The following BRINP2 variants were observed in gnomAD, a reference collection of about 807,000 sequenced individuals.
The protein encoded by BRINP2 is BMP/retinoic acid-inducible neural-specific protein 2.
In BRINP2, 21 loss-of-function variants were observed where a neutral mutation model predicts 69.2. The observed-to-expected ratio is 0.30, with a 90% CI of 0.22 to 0.44. The LOEUF is 0.44. Ranked by LOEUF, BRINP2 falls within the 20% of genes least tolerant of loss-of-function variation. BRINP2 has a pLI of 1.00. For missense variants in BRINP2, 877 were observed against 986.0 expected (o/e 0.89, Z 1.48); for synonymous variants, 380 against 394.1 (o/e 0.96, Z 0.42).
intron 1 of BRINP2, 45 bp from the exon 2 acceptor site, chr1:177,229,756 G>A: frequency 7.3e-7 from 1 of 1,365,090 alleles, no homozygotes; most frequent in South Asian, 1.5e-5. Context: ...CAGGCCCATG[G>A]GGTAACAGGG....
chr1:177,204,070 G>T (rs1648998910), intron 1 of BRINP2, among the ~76,000 whole-genome samples: 1 of 152,120 alleles, frequency 6.6e-6, no homozygotes. Flanking sequence ...AGAACATTTG[G>T]GGATACAGAC....
intron 5 of BRINP2, among the ~76,000 whole-genome samples, chr1:177,274,035 A>G (rs764738665): frequency 1.3e-5 from 2 of 152,240 alleles, no homozygotes; most frequent in Non-Finnish European, 2.9e-5. Context: ...TAAGATCTGT[A>G]CAAAGTGGGG....
chr1:177,174,387 G>T (rs1216146166), intron 1 of BRINP2, among the ~76,000 whole-genome samples: 1 of 152,228 alleles, frequency 6.6e-6, no homozygotes, highest in African/African-American at 2.4e-5. Context: ...AAGAATAAAA[G>T]TCTCATAGGC....
intron 1 of BRINP2, among the ~76,000 whole-genome samples, chr1:177,204,651 C>G (rs538707401): frequency 1.3e-5 from 2 of 152,246 alleles, no homozygotes; most frequent in African/African-American, 2.4e-5. Flanking sequence ...TAATTGAACC[C>G]CTGAACTACC....
rs532174737 is a variant in BRINP2 at position 177,254,717 on chromosome 1, A to G, written c.270-1202A>G. The stretch of plus-strand genomic sequence containing the variant: ...AAAAAAAAAAAATGAATTAAGCCAG[A>G]CTCTGCAAGGAAAACAACTGACAGT... On this transcript the variant is annotated intron_variant, in intron 2 of 7. Coordinates refer to ENST00000361539, the MANE Select transcript of BRINP2 (RefSeq NM_021165.4). Among the ~76,000 whole-genome samples, 277 of 152,098 alleles carry G rather than the reference A, an allele frequency of 1.8e-3. 1 individual carries two copies. The highest frequency in any genetic ancestry group is 3.5e-3 in the Non-Finnish European group (235 of 68,014).
intron 5 of BRINP2, among the ~76,000 whole-genome samples, chr1:177,275,662 C>A (rs1651468098): frequency 6.6e-6 from 1 of 152,176 alleles, no homozygotes; most frequent in Non-Finnish European, 1.5e-5. Flanking sequence ...CTGTTCCTAT[C>A]TCTTAACCAG....
intron 2 of BRINP2, among the ~76,000 whole-genome samples, chr1:177,236,327 A>G (rs1373275942): frequency 6.6e-6 from 1 of 152,242 alleles, no homozygotes; most frequent in Admixed American, 6.5e-5. Flanking sequence ...CTTCTGGCAT[A>G]GAAACATCAT....
At chr1:177,183,739 A>G (rs1648335437) in intron 1 of BRINP2, among the ~76,000 whole-genome samples, 1 of 152,352 alleles carries the variant, frequency 6.6e-6, no homozygotes, top group South Asian at 2.1e-4. Flanking sequence ...GTGGTGAACC[A>G]TCATATTAAA....
rs150974059 is a variant in BRINP2 at position 177,250,056 on chromosome 1, G to C, written c.270-5863G>C. On this transcript the variant is annotated intron_variant, in intron 2 of 7. Coordinates refer to ENST00000361539, the MANE Select transcript of BRINP2 (RefSeq NM_021165.4). ...TTGCTATGTTGCCCAGGCTGGACTCGAACTCCTGTGGCTGAGGCCTTATGC... is the reference window on the plus strand; with the variant it reads ...TTGCTATGTTGCCCAGGCTGGACTCCAACTCCTGTGGCTGAGGCCTTATGC... 7.0e-3 allele frequency among the ~76,000 whole-genome samples: 1,063 copies of C among 150,860 alleles called. 11 individuals carry two copies. Among genetic ancestry groups the C allele is most frequent in the African/African-American group, 0.024 (994 of 41,058 alleles).
intron 1 of BRINP2, among the ~76,000 whole-genome samples, chr1:177,213,012 TTTA>T (rs1197875527): frequency 5.3e-5 from 8 of 152,122 alleles, no homozygotes; most frequent in Admixed American, 2.6e-4. Flanking sequence ...TTCTATTGGT[TTTA>T]TTGTTGTTAT....
chr1:177,259,218 AAGATCAAACC>A (rs1452913111), intron 4 of BRINP2, among the ~76,000 whole-genome samples: 13 of 152,300 alleles, frequency 8.5e-5, no homozygotes, highest in Admixed American at 5.9e-4. Context: ...GTCTGGATAG[AAGATCAAACC>A]AGCCACAACA....
intron 1 of BRINP2, among the ~76,000 whole-genome samples, chr1:177,207,862 C>T (rs965523474): frequency 6.6e-6 from 1 of 152,126 alleles, no homozygotes; most frequent in Non-Finnish European, 1.5e-5. Flanking sequence ...GAAGCTAAAT[C>T]TAGACAGGAG....
intron 4 of BRINP2, among the ~76,000 whole-genome samples, chr1:177,265,522 A>G (rs375118232): frequency 1.2e-4 from 18 of 152,086 alleles, no homozygotes; most frequent in African/African-American, 3.9e-4. Flanking sequence ...CCCTGATTCA[A>G]CCTCTAGGTT....
chr1:177,242,704 C>T (rs953420670), intron 2 of BRINP2, among the ~76,000 whole-genome samples: 5 of 152,202 alleles, frequency 3.3e-5, no homozygotes, highest in Non-Finnish European at 7.3e-5. Flanking sequence ...AGGCTCTGAG[C>T]TCCTTCAGGC....
At chr1:177,221,899 C>T (rs1649541999) in intron 1 of BRINP2, among the ~76,000 whole-genome samples, 1 of 152,184 alleles carries the variant, frequency 6.6e-6, no homozygotes, top group Non-Finnish European at 1.5e-5. Flanking sequence ...TGAGAGACCA[C>T]AGTAGACTCA....
rs200249029 is a variant in BRINP2, at chr1:177,229,913, C to T, written c.37C>T (p.Arg13Trp). Residue 13 changes from arginine (R) to tryptophan (W), a missense_variant, in exon 2 of 8, where the codon CGG becomes TGG. Around this residue, in one of 3 missense-constraint regions of BRINP2, gnomAD observed 566 missense variants for 625.2 expected, o/e 0.91. Coordinates refer to ENST00000361539, the MANE Select transcript of BRINP2 (RefSeq NM_021165.4). ...GTGTGGCACTCGGTTTAGAGGGCTT[C>T]GGCCGGCGGTGGCCCCATGGACAGC... ...WQCGTRFRGL[R>W]PAVAPWTALL... 5.5e-5 allele frequency: 88 copies of T among 1,606,078 alleles called. No homozygotes were observed. In the African/African-American group the frequency reaches 9.2e-4, roughly 17 times the overall value.
intron 1 of BRINP2, among the ~76,000 whole-genome samples, chr1:177,198,493 T>C (rs1037558042): frequency 1.3e-5 from 2 of 152,104 alleles, no homozygotes; most frequent in African/African-American, 4.8e-5. Context: ...AGATGTAAAA[T>C]TGGGCGACAG....
In BRINP2 at chr1:177,278,794, C is replaced by G. The variant is rs369001940; in HGVS notation, c.1235+9C>G. The G allele has an allele frequency of 6.2e-7, 1 of 1,613,186 alleles. No homozygotes were observed. Among genetic ancestry groups the G allele is most frequent in the East Asian group, 2.2e-5 (1 of 44,876 alleles). On this transcript the variant is annotated intron_variant, in intron 7 of 7. Coordinates refer to ENST00000361539, the MANE Select transcript of BRINP2 (RefSeq NM_021165.4). Reference sequence around the variant, plus strand: ...CGCCTGCCCAAGGAGAGGTGAGCACCCCCTGGCTGCTACAGCCAGAGCTCA... The same window carrying G: ...CGCCTGCCCAAGGAGAGGTGAGCACGCCCTGGCTGCTACAGCCAGAGCTCA...
At chr1:177,201,757 A>T (rs1648919692) in intron 1 of BRINP2, among the ~76,000 whole-genome samples, 1 of 152,166 alleles carries the variant, frequency 6.6e-6, no homozygotes, top group South Asian at 2.1e-4. Flanking sequence ...ATTGACTGGA[A>T]TAGTTTCAGA....
Sources: gnomAD v4.1 joint callset for allele counts (sites outside exome capture counted in the v4.1 genomes callset) on GRCh38, gnomAD v4.1.1 for gene constraint, gnomAD v4.1.1 regional missense constraint, MANE v1.5 for transcripts, NCBI Gene and HGNC (gene_info 2026-07-23, HGNC 2026-07-21) for gene names.